C9orf72: variants seen among roughly 807,000 people sequenced by gnomAD.
C9orf72 encodes C9orf72-SMCR8 complex subunit, also known as guanine nucleotide exchange factor C9orf72.
C9orf72 carries 44 observed loss-of-function variants against 51.6 expected under a neutral mutation model. That is an observed-to-expected ratio of 0.85 (90% CI 0.67 to 1.10). The LOEUF (loss-of-function observed/expected upper bound fraction) is 1.10, where lower values mean the gene tolerates loss of function less well. Ranked by LOEUF, C9orf72 falls within the 50% of genes least tolerant of loss-of-function variation. C9orf72 has a pLI of 0.00. For missense variants in C9orf72, 607 were observed against 570.6 expected (o/e 1.06, Z -0.65); for synonymous variants, 213 against 194.2 (o/e 1.10, Z -0.81).
chr9:27,572,052 G>A (rs1039058564), intron 1 of C9orf72, among the ~76,000 whole-genome samples: 2 of 152,228 alleles, frequency 1.3e-5, no homozygotes, highest in Admixed American at 6.5e-5. Context: ...CCCGAGGGCA[G>A]ACTTGAAAAA....
intron 8 of C9orf72, among the ~76,000 whole-genome samples, chr9:27,556,055 T>TAA (rs200609924): frequency 6.6e-6 from 1 of 150,636 alleles, no homozygotes; most frequent in Non-Finnish European, 1.5e-5. Flanking sequence ...CTTTTTTTTT[T>TAA]AAAAAAAAAT....
At chr9:27,548,946 G>A (rs1000845701) in intron 9 of C9orf72, among the ~76,000 whole-genome samples, 21 of 152,030 alleles carry the variant, frequency 1.4e-4, no homozygotes, top group African/African-American at 5.1e-4. Flanking sequence ...CTGGGTTCAA[G>A]CGATTCTCCT....
chr9:27,565,643 G>T, intron 2 of C9orf72, 53 bp from the exon 3 acceptor site: 1 of 1,114,476 alleles, frequency 9.0e-7, no homozygotes, highest in Non-Finnish European at 1.3e-6. Context: ...TTTGATACTT[G>T]CTTATTTTTC....
At chr9:27,572,659 C>T (rs1169571827) in intron 1 of C9orf72, among the ~76,000 whole-genome samples, 2 of 152,164 alleles carry the variant, frequency 1.3e-5, no homozygotes, top group Non-Finnish European at 2.9e-5. Context: ...AGTGCAGGAC[C>T]TCCCTCCTGT....
intron 8 of C9orf72, among the ~76,000 whole-genome samples, chr9:27,552,580 T>A (rs991905100): frequency 2.6e-4 from 37 of 144,248 alleles, no homozygotes; most frequent in South Asian, 6.7e-4. Context: ...CGTCTTGAAC[T>A]CCTGGGCTTA....
At chr9:27,568,076 G>A (rs568374368) in intron 1 of C9orf72, among the ~76,000 whole-genome samples, 16 of 60,520 alleles carry the variant, frequency 2.6e-4, no homozygotes, top group African/African-American at 1.1e-3. Context: ...CTTTAAAGCC[G>A]CTAAAAGGTC....
At chr9:27,551,593 A>G (rs1820910172) in intron 8 of C9orf72, among the ~76,000 whole-genome samples, 1 of 152,246 alleles carries the variant, frequency 6.6e-6, no homozygotes, top group African/African-American at 2.4e-5. Context: ...AGGTAGTTCA[A>G]GTTTCCTTAT....
intron 9 of C9orf72, among the ~76,000 whole-genome samples, chr9:27,549,981 A>C (rs2131528275): frequency 6.6e-6 from 1 of 151,438 alleles, no homozygotes; most frequent in South Asian, 2.1e-4. Context: ...TCAATTCTTA[A>C]TTCTATCATT....
intron 1 of C9orf72, among the ~76,000 whole-genome samples, chr9:27,569,679 G>A (rs974938823): frequency 6.6e-6 from 1 of 152,180 alleles, no homozygotes; most frequent in Non-Finnish European, 1.5e-5. Flanking sequence ...AGCAATGTGT[G>A]ATTGTACTAT....
rs867201349 is a variant in C9orf72, at chr9:27,562,683, T to C, written c.505-207A>G. ...ACTTTTATTCTTTCTTTTCTTTTTTTTTTTTTGAGATGGAGTTTTGCTTTC... is the reference window on the plus strand; with the variant it reads ...ACTTTTATTCTTTCTTTTCTTTTTTCTTTTTTGAGATGGAGTTTTGCTTTC... On this transcript the variant is annotated intron_variant, in intron 3 of 10. Coordinates refer to ENST00000380003, the MANE Select transcript of C9orf72 (RefSeq NM_018325.5). 3.0e-4 allele frequency among the ~76,000 whole-genome samples: 46 copies of C among 152,106 alleles called. No individual in the cohort carries two copies. The Middle Eastern group carries it at 0.01, about 34-fold the overall frequency.
chr9:27,566,862 A>C lies in C9orf72; in HGVS notation c.259T>G (p.Leu87Val), dbSNP rs565771464. 1.9e-5 allele frequency: 31 copies of C among 1,613,924 alleles called. No homozygotes were observed. The highest frequency in any genetic ancestry group is 1.1e-4 in the South Asian group (10 of 91,084). The change falls in exon 2 of 11, where the codon TTG (leucine) becomes GTG (valine). Residue 87 changes from leucine (L) to valine (V), a missense_variant. Coordinates refer to ENST00000380003, the MANE Select transcript of C9orf72 (RefSeq NM_018325.5). ...ACAATAATCACTCCCTTTTCAGACA[A>C]GACAAAAAACTTTACATCTATAGCA... Reference protein sequence around the residue: ...SGAIDVKFFVLSEKGVIIVSL... With the variant: ...SGAIDVKFFVVSEKGVIIVSL...
At chr9:27,549,642 C>T (rs535488090) in intron 9 of C9orf72, among the ~76,000 whole-genome samples, 1 of 152,078 alleles carries the variant, frequency 6.6e-6, no homozygotes, top group African/African-American at 2.4e-5. Flanking sequence ...ATATAATCTA[C>T]GATTTCCTTC....
intron 7 of C9orf72, 119 bp from the exon 8 acceptor site, chr9:27,556,915 A>G: frequency 1.4e-6 from 1 of 695,946 alleles, no homozygotes; most frequent in South Asian, 1.8e-5. Context: ...TTATCCTAAG[A>G]AGCTATTCAT....
Position 27,566,742 on chromosome 9 carries a change from G to T in C9orf72, c.379C>A (p.Leu127Ile). ...AATCTATCAACACACACTCTATGAA[G>T]TGGGAGGTAGAAACTAAGTTCTGTC... Reference protein sequence around the residue: ...PQTELSFYLPLHRVCVDRLTH... With the variant: ...PQTELSFYLPIHRVCVDRLTH... The change falls in exon 2 of 11, where the codon CTT becomes ATT. Residue 127 changes from leucine (L) to isoleucine (I), a missense_variant. Leu to Ile is a conservative substitution (Grantham distance 5). Coordinates refer to ENST00000380003, the MANE Select transcript of C9orf72 (RefSeq NM_018325.5). 6.2e-7 allele frequency: 1 copy of T among 1,613,754 alleles called. No individual in the cohort carries two copies. Among genetic ancestry groups the T allele is most frequent in the Non-Finnish European group, 8.5e-7 (1 of 1,179,754 alleles).
At chr9:27,572,947 T>G (rs1038816797) in intron 1 of C9orf72, among the ~76,000 whole-genome samples, 1 of 152,044 alleles carries the variant, frequency 6.6e-6, no homozygotes, top group South Asian at 2.1e-4. Context: ...TGTGCAGGCG[T>G]CTCCACACCC....
At chr9:27,567,471 T>C (rs948154120) in intron 1 of C9orf72, among the ~76,000 whole-genome samples, 1 of 152,172 alleles carries the variant, frequency 6.6e-6, no homozygotes, top group African/African-American at 2.4e-5. Context: ...CTAAAGCTCA[T>C]AGAATAGACC....
rs1337636924 is a variant in C9orf72, at chr9:27,556,327, C to T, written c.1091+234G>A. On this transcript the variant is annotated intron_variant, in intron 8 of 10. Coordinates refer to ENST00000380003, the MANE Select transcript of C9orf72 (RefSeq NM_018325.5). ...AGGAGCTCAATATATATTTATTAAA[C>T]AAATAGTTAAATATTTACTTTAAGG... The T allele has an allele frequency of 1.4e-5, 8 of 564,564 alleles. No individual in the cohort carries two copies. The East Asian group carries it at 2.0e-4, about 14-fold the overall frequency. The allele number at this position is 564,564 out of a possible 1,614,324, so 35.0% of individuals were successfully genotyped here.
In C9orf72 at chr9:27,560,302, G is replaced by GT; in HGVS notation, c.666-4dup. 1 of 1,605,262 alleles carries GT rather than the reference G, an allele frequency of 6.2e-7. No homozygotes were observed. Among genetic ancestry groups the GT allele is most frequent in the Non-Finnish European group, 8.5e-7 (1 of 1,175,328 alleles). The stretch of plus-strand genomic sequence containing the variant: ...TTTGCAAGTGTGAGCTGATGGCACT[G>GT]TAAGTTAAAGAAAACAGATTAAAAA... On this transcript the variant is annotated splice_region_variant and splice_polypyrimidine_tract_variant and intron_variant, in intron 5 of 10. Coordinates refer to ENST00000380003, the MANE Select transcript of C9orf72 (RefSeq NM_018325.5).
At position 27,562,434 on chromosome 9, in the gene C9orf72, C is replaced by T. The variant is rs761060005; in HGVS notation, c.547G>A (p.Val183Ile). 7 of 1,595,992 alleles carry T rather than the reference C, an allele frequency of 4.4e-6. No homozygotes were observed. The East Asian group carries it at 1.6e-4, about 36-fold the overall frequency. ...TTCATAGATGAAAGCAGTTCCATTA[C>T]AGGAATCACTTCTCCAGTAAGCATT... is the stretch of plus-strand genomic sequence containing the variant. Reference protein sequence around the residue: ...IPMLTGEVIPVMELLSSMKSH... With the variant: ...IPMLTGEVIPIMELLSSMKSH... Residue 183 changes from valine to isoleucine, a missense_variant, in exon 4 of 11, where the codon GTA (valine) becomes ATA (isoleucine). By Grantham distance (29) the Val-to-Ile change is conservative (BLOSUM62 3). Coordinates refer to ENST00000380003, the MANE Select transcript of C9orf72 (RefSeq NM_018325.5).
Sources: gnomAD v4.1 joint callset for allele counts (sites outside exome capture counted in the v4.1 genomes callset) on GRCh38, gnomAD v4.1.1 for gene constraint, MANE v1.5 for transcripts, NCBI Gene and HGNC (gene_info 2026-07-23, HGNC 2026-07-21) for gene names.